The following LMX1A variants were observed in gnomAD, a reference collection of about 807,000 sequenced individuals.
The protein encoded by LMX1A is LIM homeobox transcription factor 1 alpha.
LMX1A carries 15 observed loss-of-function variants against 49.1 expected under a neutral mutation model. The ratio of observed to expected loss-of-function variants is 0.31; its 90% CI spans 0.20 to 0.47. LMX1A has a LOEUF of 0.47. Among genes scored for constraint, LMX1A ranks in the 20% least tolerant of loss-of-function variants. The pLI is 1.00. For missense variants in LMX1A, 372 were observed against 475.8 expected, an observed-to-expected ratio of 0.78 and a Z score of 2.03; for synonymous variants, 167 against 185.7, an observed-to-expected ratio of 0.90 and a Z score of 0.82.
At chr1:165,253,407 T>G (rs1211474965) in intron 3 of LMX1A, among the ~76,000 whole-genome samples, 1 of 152,192 alleles carries the variant, frequency 6.6e-6, no homozygotes, top group Non-Finnish European at 1.5e-5. Flanking sequence ...GGAAGCTTCC[T>G]GGAAGAAGAC....
rs376622690 is a variant in LMX1A, at chr1:165,307,018, A to G, written c.263+46058T>C. 5.5e-4 allele frequency among the ~76,000 whole-genome samples: 84 copies of G among 152,316 alleles called. 1 individual carries two copies. The South Asian group carries it at 0.017, about 32-fold the overall frequency. On this transcript the variant is annotated intron_variant, in intron 3 of 8. Coordinates refer to ENST00000342310, the MANE Select transcript of LMX1A (RefSeq NM_177398.4). ...GAAGCCAGAGGCTGCGTCTGTGCAT[A>G]TGGGCAGTGGTAATGAGAATTCCCT... is the stretch of plus-strand genomic sequence containing the variant.
chr1:165,208,002 G>T, intron 7 of LMX1A, 61 bp downstream of exon 7: 1 of 1,428,592 alleles, frequency 7.0e-7, no homozygotes, highest in Non-Finnish European at 9.8e-7. Flanking sequence ...GTAGTGGGAG[G>T]CCTCTGGTAG....
intron 3 of LMX1A, among the ~76,000 whole-genome samples, chr1:165,266,595 C>CTTTTTTTTTTTTTTTTTT (rs61551654): frequency 2.5e-5 from 2 of 79,180 alleles, no homozygotes; most frequent in Admixed American, 1.9e-4. Flanking sequence ...TTCTTTCTTT[C>CTTTTTTTTTTTTTTTTTT]TTTTTTTTTT....
chr1:165,212,481 A>G (rs111640816), intron 5 of LMX1A, among the ~76,000 whole-genome samples: 7 of 149,066 alleles, frequency 4.7e-5, no homozygotes, highest in African/African-American at 1.7e-4. Context: ...AAAAGAAAAT[A>G]CATGTTTGTT....
At chr1:165,211,032 T>C in intron 5 of LMX1A, 1 of 357,132 alleles carries the variant, frequency 2.8e-6, no homozygotes, top group Non-Finnish European at 5.0e-6. Flanking sequence ...TCTGGATTTC[T>C]CTTGCTCTGG....
chr1:165,241,297 T>C (rs552970273), intron 4 of LMX1A, among the ~76,000 whole-genome samples: 1 of 152,330 alleles, frequency 6.6e-6, no homozygotes, highest in Admixed American at 6.5e-5. Flanking sequence ...ACTTGCAAAA[T>C]GATGGATCTT....
At chr1:165,352,451 C>A (rs943531115) in intron 3 of LMX1A, among the ~76,000 whole-genome samples, 1 of 152,204 alleles carries the variant, frequency 6.6e-6, no homozygotes, top group Non-Finnish European at 1.5e-5. Flanking sequence ...GAGGGTTCTG[C>A]AGAAAACCAG....
chr1:165,319,972 G>A (rs1480265735), intron 3 of LMX1A, among the ~76,000 whole-genome samples: 1 of 152,080 alleles, frequency 6.6e-6, no homozygotes, highest in South Asian at 2.1e-4. Flanking sequence ...TTATAGTTCT[G>A]CATAACAACC....
chr1:165,284,836 A>G (rs1183705817), intron 3 of LMX1A, among the ~76,000 whole-genome samples: 1 of 152,240 alleles, frequency 6.6e-6, no homozygotes, highest in Non-Finnish European at 1.5e-5. Context: ...CACCAGGAAG[A>G]GCACATGGAG....
chr1:165,285,798 C>T (rs930475192), intron 3 of LMX1A, among the ~76,000 whole-genome samples: 1 of 152,164 alleles, frequency 6.6e-6, no homozygotes, highest in African/African-American at 2.4e-5. Flanking sequence ...CCAATGGACC[C>T]TTGTCTATCT....
At chr1:165,235,877 A>G (rs1652414078) in intron 4 of LMX1A, among the ~76,000 whole-genome samples, 1 of 151,902 alleles carries the variant, frequency 6.6e-6, no homozygotes, top group South Asian at 2.1e-4. Context: ...CTTTATCTGC[A>G]TTTTCTCATA....
intron 7 of LMX1A, among the ~76,000 whole-genome samples, chr1:165,207,245 A>C (rs536929356): frequency 3.9e-5 from 6 of 152,242 alleles, no homozygotes; most frequent in Non-Finnish European, 8.8e-5. Flanking sequence ...AATTCTGGAT[A>C]GCTGAGTTGG....
intron 3 of LMX1A, among the ~76,000 whole-genome samples, chr1:165,321,216 C>G (rs768054004): frequency 4.6e-5 from 7 of 152,102 alleles, no homozygotes; most frequent in African/African-American, 1.7e-4. Flanking sequence ...AGAAAGTAGA[C>G]TAATGGTTGC....
chr1:165,208,064 A>G lies in LMX1A; in HGVS notation c.816T>C (p.Ser272=), dbSNP rs1253599170. The stretch of plus-strand genomic sequence containing the variant: ...GCCTGGGAGGAGGCACCAGCTTACC[A>G]GAGCTCAGCCTCTGGGTGTTCTGCT... ...QDQQNTQRLS[S]AQTNGGGSAG... is the part of the protein sequence containing the mutation. The change falls in exon 7 of 9, where the codon TCT becomes TCC. Residue 272 remains serine, a splice_region_variant and synonymous_variant. Transcript: ENST00000342310. The G allele has an allele frequency of 6.2e-7, 1 of 1,613,834 alleles. No individual in the cohort carries two copies. The highest frequency in any genetic ancestry group is 2.2e-5 in the East Asian group (1 of 44,888).
At chr1:165,274,552 T>C (rs1362025664) in intron 3 of LMX1A, among the ~76,000 whole-genome samples, 3 of 152,190 alleles carry the variant, frequency 2.0e-5, no homozygotes, top group African/African-American at 7.2e-5. Flanking sequence ...AAACAGCCCT[T>C]AGCTAATCCA....
At chr1:165,231,201 G>C (rs550054362) in intron 4 of LMX1A, among the ~76,000 whole-genome samples, 24 of 152,074 alleles carry the variant, frequency 1.6e-4, no homozygotes, top group African/African-American at 5.8e-4. Flanking sequence ...TGCACATGTA[G>C]AAAGTATAAG....
chr1:165,340,992 T>C (rs1656057336), intron 3 of LMX1A, among the ~76,000 whole-genome samples: 2 of 152,196 alleles, frequency 1.3e-5, no homozygotes, highest in South Asian at 2.1e-4. Context: ...GCCTAGACTA[T>C]AGCAACAACT....
intron 4 of LMX1A, among the ~76,000 whole-genome samples, chr1:165,244,186 T>A (rs781024763): frequency 6.6e-6 from 1 of 152,220 alleles, no homozygotes; most frequent in African/African-American, 2.4e-5. Context: ...AGAGAGAGCA[T>A]GGAAGCTCTG....
At chr1:165,344,460 C>T (rs1023546755) in intron 3 of LMX1A, among the ~76,000 whole-genome samples, 4 of 152,176 alleles carry the variant, frequency 2.6e-5, no homozygotes, top group Non-Finnish European at 2.9e-5. Flanking sequence ...ACTGTCAAAA[C>T]CAGAAAGCTC....
Sources: gnomAD v4.1 joint callset for allele counts (sites outside exome capture counted in the v4.1 genomes callset) on GRCh38, gnomAD v4.1.1 for gene constraint, MANE v1.5 for transcripts, NCBI Gene and HGNC (gene_info 2026-07-23, HGNC 2026-07-21) for gene names.